Variants in BRF1 observed in about 807,000 individuals in gnomAD.
The protein encoded by BRF1 is BRF1 general transcription factor IIIB subunit, also known as transcription factor IIIB 90 kDa subunit.
In BRF1, 59 loss-of-function variants were observed where a neutral mutation model predicts 81.7. The observed-to-expected ratio is 0.72, with a 90% CI of 0.59 to 0.90. The LOEUF is 0.90. BRF1 is among the 40% of genes least tolerant of loss of function. The probability of loss-of-function intolerance (pLI) is 0.00; values close to 1 mark genes in which losing one functional copy is unlikely to be tolerated. For missense variants in BRF1, 1,050 were observed against 936.3 expected, an observed-to-expected ratio of 1.12 and a Z score of -1.58; for synonymous variants, 491 against 395.6, an observed-to-expected ratio of 1.24 and a Z score of -2.86.
At chr14:105,228,771 C>A (rs750426723) in intron 7 of BRF1, 49 bp downstream of exon 7, 5 of 1,602,876 alleles carry the variant, frequency 3.1e-6, no homozygotes, top group African/African-American at 1.3e-5. Flanking sequence ...CTGAGCTGGA[C>A]TGATGAAGCC....
In BRF1 at chr14:105,222,136, A is replaced by C. The variant is rs1298074276; in HGVS notation, c.1049-222T>G. ...AGACCTAGGGGGAGAGTTAAAGTAC[A>C]GACATTTCAGACAAAAACGTAAAAG... On this transcript the variant is annotated intron_variant, in intron 10 of 17. Coordinates refer to ENST00000547530, the MANE Select transcript of BRF1 (RefSeq NM_001519.4). 1.6e-5 allele frequency: 8 copies of C among 491,822 alleles called. No homozygotes were observed. The Admixed American group carries it at 2.6e-4, about 16-fold the overall frequency. 30.5% of individuals were successfully genotyped at this position (491,822 alleles called of 1,614,324 possible).
chr14:105,282,892 C>G (rs1352645862), intron 2 of BRF1, among the ~76,000 whole-genome samples: 1 of 152,118 alleles, frequency 6.6e-6, no homozygotes, highest in Non-Finnish European at 1.5e-5. Context: ...CAGATCGCGC[C>G]ACTGCACTCC....
Position 105,272,717 on chromosome 14 carries a change from A to T in BRF1, c.439+4T>A, listed in dbSNP as rs760689660. 6.2e-7 allele frequency: 1 copy of T among 1,602,178 alleles called. No individual in the cohort carries two copies. Among genetic ancestry groups the T allele is most frequent in the East Asian group, 2.2e-5 (1 of 44,508 alleles). On this transcript the variant is annotated splice_donor_region_variant and intron_variant, in intron 3 of 17. Coordinates refer to ENST00000547530, the MANE Select transcript of BRF1 (RefSeq NM_001519.4). ...CTCTGGGAGGCTCTCAAACCAAAGGATACGCGGCGTGCCCTCCGTACGGCA... is the reference window on the plus strand; with the variant it reads ...CTCTGGGAGGCTCTCAAACCAAAGGTTACGCGGCGTGCCCTCCGTACGGCA...
intron 5 of BRF1, chr14:105,250,051 C>T (rs2055501098): frequency 6.2e-7 from 1 of 1,612,872 alleles, no homozygotes; most frequent in South Asian, 1.1e-5. Flanking sequence ...TGGGGCGAGC[C>T]CTCTATCTGG....
intron 1 of BRF1, among the ~76,000 whole-genome samples, chr14:105,310,167 C>T (rs2058309755): frequency 6.6e-6 from 1 of 152,084 alleles, no homozygotes; most frequent in East Asian, 1.9e-4. Context: ...TGTAGCTTCT[C>T]TAACCATTTT....
intron 11 of BRF1, among the ~76,000 whole-genome samples, chr14:105,221,273 G>A (rs780915350): frequency 2.0e-5 from 3 of 152,196 alleles, no homozygotes; most frequent in African/African-American, 2.4e-5. Flanking sequence ...TCATTGCCAC[G>A]CCCAAGCTCA....
intron 11 of BRF1, 83 bp from the exon 12 acceptor site, chr14:105,220,213 C>T: frequency 6.5e-7 from 1 of 1,539,352 alleles, no homozygotes; most frequent in Non-Finnish European, 8.9e-7. Flanking sequence ...GGCTCAGGAC[C>T]CTGGGTCTGG....
rs960682350 is a variant in BRF1 at position 105,241,295 on chromosome 14, C to T, written c.664G>A (p.Gly222Ser). 1.2e-6 allele frequency: 2 copies of T among 1,612,438 alleles called. No homozygotes were observed. The highest frequency in any genetic ancestry group is 1.3e-5 in the African/African-American group (1 of 74,942). ...CCGCAGAGGCCCGAGGGGCGCCGGCCTGTGTGCATCCAGTCCCGCTTCATC... is the reference window on the plus strand; with the variant it reads ...CCGCAGAGGCCCGAGGGGCGCCGGCTTGTGTGCATCCAGTCCCGCTTCATC... ...QRMKRDWMHTGRRPSGLCGAA... is the reference protein window; with the variant it reads ...QRMKRDWMHTSRRPSGLCGAA... Residue 222 changes from glycine (G) to serine (S), a missense_variant, in exon 6 of 18, where the codon GGC becomes AGC. Physicochemically the swap from Gly to Ser is moderately conservative, Grantham distance 56. This residue lies in a region of BRF1 where 1,043 missense variants were observed against 915.4 expected (regional missense o/e 1.14). Transcript: ENST00000547530.
chr14:105,223,088 G>A (rs1025352651), intron 10 of BRF1, among the ~76,000 whole-genome samples: 2 of 152,182 alleles, frequency 1.3e-5, no homozygotes, highest in Non-Finnish European at 2.9e-5. Flanking sequence ...AGCTACTTGG[G>A]AGGCTGAGAT....
At chr14:105,300,274 G>A (rs1438668024) in intron 1 of BRF1, among the ~76,000 whole-genome samples, 172 bp downstream of exon 1, 1 of 151,750 alleles carries the variant, frequency 6.6e-6, no homozygotes, top group Non-Finnish European at 1.5e-5. Flanking sequence ...GGCGCGCGAA[G>A]AAGGTCTACA....
chr14:105,293,469 G>A (rs79420941), intron 1 of BRF1, among the ~76,000 whole-genome samples: 1 of 152,216 alleles, frequency 6.6e-6, no homozygotes, highest in Non-Finnish European at 1.5e-5. Flanking sequence ...TGCACAGGAC[G>A]AGGAGGGACC....
chr14:105,282,424 T>G (rs979480983), intron 2 of BRF1, among the ~76,000 whole-genome samples: 1 of 152,144 alleles, frequency 6.6e-6, no homozygotes, highest in Non-Finnish European at 1.5e-5. Flanking sequence ...ACCAAAACAG[T>G]AACAGTCGGA....
chr14:105,255,141 A>G, intron 4 of BRF1, among the ~76,000 whole-genome samples: 1 of 152,228 alleles, frequency 6.6e-6, no homozygotes, highest in South Asian at 2.1e-4. Context: ...CCATGGGACC[A>G]TCTGAGTCCC....
At chr14:105,308,481 C>CT (rs1227708197) in intron 1 of BRF1, among the ~76,000 whole-genome samples, 13,832 of 124,554 alleles carry the variant, frequency 0.11, 2,328 homozygotes, top group African/African-American at 0.36. Context: ...CAGATTCTGT[C>CT]TTTTTTTTTT....
intron 2 of BRF1, 149 bp from the exon 3 acceptor site, chr14:105,273,043 C>T: frequency 1.1e-6 from 1 of 907,542 alleles, no homozygotes. Flanking sequence ...GTTCCAATCA[C>T]TTTTTATTTA....
At chr14:105,241,549 C>T in intron 5 of BRF1, 135 bp from the exon 6 acceptor site, 1 of 1,158,528 alleles carries the variant, frequency 8.6e-7, no homozygotes, top group Admixed American at 2.2e-5. Context: ...TTCCCCTCCC[C>T]TGGACAAAGC....
chr14:105,219,045 C>A lies in BRF1; in HGVS notation c.1468G>T (p.Ala490Ser). The A allele has an allele frequency of 6.2e-7, 1 of 1,613,816 alleles. No individual in the cohort carries two copies. The highest frequency in any genetic ancestry group is 8.5e-7 in the Non-Finnish European group (1 of 1,180,004). ...EYLREQREKE[A>S]RIAKEKELGI... Reference sequence around the variant, plus strand: ...AGCTCCTTCTCTTTCGCTATTCTTGCTTCTTTTTCTAAAAGTTCAGAAAGG... The same window carrying A: ...AGCTCCTTCTCTTTCGCTATTCTTGATTCTTTTTCTAAAAGTTCAGAAAGG... Residue 490 changes from alanine to serine, a missense_variant, in exon 14 of 18, where the codon GCA becomes TCA. Around this residue, in one of 2 missense-constraint regions of BRF1, gnomAD observed 1,043 missense variants for 915.4 expected, o/e 1.14. Transcript: ENST00000547530.
At chr14:105,285,106 T>C (rs2057266829) in intron 2 of BRF1, among the ~76,000 whole-genome samples, 1 of 152,210 alleles carries the variant, frequency 6.6e-6, no homozygotes, top group Admixed American at 6.5e-5. Flanking sequence ...ATGACCAACA[T>C]ATTAACGCAA....
chr14:105,306,950 T>C (rs1222222503), intron 1 of BRF1, among the ~76,000 whole-genome samples: 1 of 151,886 alleles, frequency 6.6e-6, no homozygotes, highest in Non-Finnish European at 1.5e-5. Flanking sequence ...TGGGGTCTCG[T>C]GGACCTAGAG....
Sources: allele counts gnomAD v4.1 joint callset (sites outside exome capture counted in the v4.1 genomes callset), GRCh38; gene constraint gnomAD v4.1.1; regional missense constraint gnomAD v4.1.1; transcripts MANE v1.5; gene names NCBI Gene and HGNC (gene_info 2026-07-23, HGNC 2026-07-21).